Variants in CA12 observed in about 807,000 individuals in gnomAD.
CA12 encodes carbonic anhydrase 12.
In CA12, 36 loss-of-function variants were observed where a neutral mutation model predicts 46.8. The ratio of observed to expected loss-of-function variants is 0.77; its 90% CI spans 0.59 to 1.02. CA12 has a LOEUF of 1.02. Ranked by LOEUF, CA12 falls within the 50% of genes least tolerant of loss-of-function variation. The probability of loss-of-function intolerance (pLI) is 0.00; values close to 1 mark genes in which losing one functional copy is unlikely to be tolerated. For synonymous variants in CA12, 202 were observed against 187.0 expected (o/e 1.08, Z -0.65); for missense variants, 436 against 451.4 (o/e 0.97, Z 0.31).
chr15:63,343,929 C>T (rs1019051222), intron 4 of CA12, among the ~76,000 whole-genome samples: 2 of 152,114 alleles, frequency 1.3e-5, no homozygotes, highest in African/African-American at 4.8e-5. Flanking sequence ...AGCAACACAC[C>T]TCACATTTTG....
At chr15:63,350,116 C>T (rs1331487455) in intron 2 of CA12, among the ~76,000 whole-genome samples, 2 of 152,196 alleles carry the variant, frequency 1.3e-5, no homozygotes, top group Admixed American at 6.5e-5. Context: ...AGGGCCCTCC[C>T]CCAGCATGTA....
In CA12 at chr15:63,331,484, G is replaced by A. The variant is rs1298055637; in HGVS notation, c.875-3354C>T. On this transcript the variant is annotated intron_variant, in intron 8 of 10. Coordinates refer to ENST00000178638, the MANE Select transcript of CA12 (RefSeq NM_001218.5). This position sits in a 1 kb window ranked among gnomAD's most constrained non-coding sequence, Gnocchi z 5.3. ...GGACAGACAGTAGAAATGGAGACAGGCTAGGTCACAGAGGTGGCCCACGAG... is the reference window on the plus strand; with the variant it reads ...GGACAGACAGTAGAAATGGAGACAGACTAGGTCACAGAGGTGGCCCACGAG... Among the ~76,000 whole-genome samples, 1 of 152,194 alleles carries A rather than the reference G, an allele frequency of 6.6e-6. No homozygotes were observed. Among genetic ancestry groups the A allele is most frequent in the Non-Finnish European group, 1.5e-5 (1 of 68,022 alleles).
chr15:63,361,339 A>G (rs2039360797), intron 2 of CA12, among the ~76,000 whole-genome samples: 1 of 152,254 alleles, frequency 6.6e-6, no homozygotes, highest in South Asian at 2.1e-4. Context: ...AAGCCATCCT[A>G]GACCGGGTTG....
In CA12 at chr15:63,378,591, T is replaced by C. The variant is rs769392855; in HGVS notation, c.86-2913A>G. The stretch of plus-strand genomic sequence containing the variant: ...GACCCCCAAGTTTACTGCTCACCCC[T>C]TTGCTGAAACAACAATGAAAAAAAA... On this transcript the variant is annotated intron_variant, in intron 1 of 10. Coordinates refer to ENST00000178638, the MANE Select transcript of CA12 (RefSeq NM_001218.5). This position sits in a 1 kb window ranked among gnomAD's most constrained non-coding sequence, Gnocchi z 4.8. 6.6e-6 allele frequency among the ~76,000 whole-genome samples: 1 copy of C among 151,942 alleles called. No homozygotes were observed. Among genetic ancestry groups the C allele is most frequent in the Non-Finnish European group, 1.5e-5 (1 of 67,970 alleles).
intron 2 of CA12, among the ~76,000 whole-genome samples, chr15:63,366,902 A>T (rs17831058): frequency 0.032 from 4,821 of 152,212 alleles, 115 homozygotes; most frequent in Non-Finnish European, 0.045. Flanking sequence ...GAAGGGTAAC[A>T]CTAAGGTGGC....
At chr15:63,376,746 A>G (rs998529939) in intron 1 of CA12, among the ~76,000 whole-genome samples, 1 of 151,580 alleles carries the variant, frequency 6.6e-6, no homozygotes, top group African/African-American at 2.4e-5. Context: ...GGGCTCAAGC[A>G]ATCCTCCCAC....
intron 2 of CA12, among the ~76,000 whole-genome samples, chr15:63,349,078 G>A (rs865877379): frequency 6.6e-6 from 1 of 152,172 alleles, no homozygotes; most frequent in Non-Finnish European, 1.5e-5. Context: ...TGAGATTCCA[G>A]CATCAGCTGT....
rs1357108699 is a variant in CA12, at chr15:63,340,455, C to T, written c.590-10G>A. 6.2e-7 allele frequency: 1 copy of T among 1,614,190 alleles called. No homozygotes were observed. On this transcript the variant is annotated splice_polypyrimidine_tract_variant and intron_variant, in intron 6 of 10. Coordinates refer to ENST00000178638, the MANE Select transcript of CA12 (RefSeq NM_001218.5). This position sits in a 1 kb window ranked among gnomAD's most constrained non-coding sequence, Gnocchi z 4.4. The stretch of plus-strand genomic sequence containing the variant: ...ACGAATGCTTCCTGGCCTAGAGAGA[C>T]ATGTTGCAGAGGTGATAGTGTCAGC...
intron 2 of CA12, among the ~76,000 whole-genome samples, chr15:63,368,907 C>T (rs569700037): frequency 1.3e-5 from 2 of 152,308 alleles, no homozygotes; most frequent in Admixed American, 6.5e-5. Context: ...ACTCCTGAAC[C>T]CCAAACTAGG....
At chr15:63,332,544 G>A (rs944376127) in intron 8 of CA12, among the ~76,000 whole-genome samples, 1 of 152,206 alleles carries the variant, frequency 6.6e-6, no homozygotes, top group African/African-American at 2.4e-5. Context: ...CTGTCCCTGG[G>A]GAAAGAATGG....
chr15:63,330,332 G>A lies in CA12; in HGVS notation c.875-2202C>T, dbSNP rs183705042. Among the ~76,000 whole-genome samples the A allele has an allele frequency of 6.6e-6, 1 of 152,274 alleles. No homozygotes were observed. Among genetic ancestry groups the A allele is most frequent in the Non-Finnish European group, 1.5e-5 (1 of 68,020 alleles). ...TGTTTCTTTTTTAAATGTAACCAGAGACCATGGTCCCTGGAATCTTAAAAA... is the reference window on the plus strand; with the variant it reads ...TGTTTCTTTTTTAAATGTAACCAGAAACCATGGTCCCTGGAATCTTAAAAA... On this transcript the variant is annotated intron_variant, in intron 8 of 10. Coordinates refer to ENST00000178638, the MANE Select transcript of CA12 (RefSeq NM_001218.5). The surrounding 1 kb of genome is among the most constrained non-coding windows in gnomAD (Gnocchi z 4.0).
chr15:63,373,640 C>T lies in CA12; in HGVS notation c.106+2018G>A, dbSNP rs2152627221. On this transcript the variant is annotated intron_variant, in intron 2 of 10. Transcript: ENST00000178638. The surrounding 1 kb of genome is among the most constrained non-coding windows in gnomAD (Gnocchi z 4.9). ...GCGTTAAGAATACAGGTTTTTCAGG[C>T]TCCCTCCCTTTCCCAGGTCTAGCCC... Among the ~76,000 whole-genome samples, 1 of 152,258 alleles carries T rather than the reference C, an allele frequency of 6.6e-6. No homozygotes were observed. The highest frequency in any genetic ancestry group is 1.9e-4 in the East Asian group (1 of 5,188).
intron 8 of CA12, among the ~76,000 whole-genome samples, chr15:63,338,557 G>T (rs2039032803): frequency 6.6e-6 from 1 of 152,200 alleles, no homozygotes; most frequent in Admixed American, 6.5e-5. Context: ...TTACCCATCT[G>T]TGCAAGACTC....
chr15:63,335,611 G>A (rs919609613), intron 8 of CA12, among the ~76,000 whole-genome samples: 5 of 151,088 alleles, frequency 3.3e-5, no homozygotes, highest in South Asian at 2.1e-4. Context: ...TTACAAGCAT[G>A]AGCCACCACA....
chr15:63,357,261 G>A (rs1251782813), intron 2 of CA12, among the ~76,000 whole-genome samples: 1 of 152,202 alleles, frequency 6.6e-6, no homozygotes, highest in East Asian at 1.9e-4. Flanking sequence ...AGACTGCTGG[G>A]CCACACCCTC....
intron 2 of CA12, among the ~76,000 whole-genome samples, chr15:63,349,817 C>T (rs1288432064): frequency 6.6e-6 from 1 of 152,184 alleles, no homozygotes; most frequent in Non-Finnish European, 1.5e-5. Flanking sequence ...GCACTTCCCA[C>T]AGTGCCTGGC....
rs752292150 is a variant in CA12, at chr15:63,346,616, T to A, written c.200A>T (p.Tyr67Phe). Residue 67 changes from tyrosine (Y) to phenylalanine (F), a missense_variant, in exon 3 of 11, where the codon TAT becomes TTT. Tyr to Phe is a conservative substitution (Grantham distance 22, BLOSUM62 3). Coordinates refer to ENST00000178638, the MANE Select transcript of CA12 (RefSeq NM_001218.5). ...CTCGAGGGGCGTGAGGCTGGCGTCA[T>A]ACTGGAGGATGTCACTGTGCAGGTC... ...PIDLHSDILQ[Y>F]DASLTPLEFQ... 6.2e-7 allele frequency: 1 copy of A among 1,613,612 alleles called. No individual in the cohort carries two copies. Among genetic ancestry groups the A allele is most frequent in the South Asian group, 1.1e-5 (1 of 91,034 alleles).
At chr15:63,332,368 G>C (rs1425741574) in intron 8 of CA12, among the ~76,000 whole-genome samples, 7 of 152,224 alleles carry the variant, frequency 4.6e-5, no homozygotes, top group Non-Finnish European at 8.8e-5. Context: ...AGATTACATG[G>C]GGGAACTGGT....
Position 63,340,719 on chromosome 15 carries a change from C to A in CA12, c.589+1G>T, listed in dbSNP as rs748610754. On this transcript the variant is annotated splice_donor_variant, in intron 6 of 10. Transcript: ENST00000178638. LOFTEE classifies it high-confidence loss of function. This position sits in a 1 kb window ranked among gnomAD's most constrained non-coding sequence, Gnocchi z 4.4. ...TGAATATGCATGCAAGGACCCCTCACCTTTGTACTTTACATGTTGAAGGTG... is the reference window on the plus strand; with the variant it reads ...TGAATATGCATGCAAGGACCCCTCAACTTTGTACTTTACATGTTGAAGGTG... 2 of 1,614,038 alleles carry A rather than the reference C, an allele frequency of 1.2e-6. No individual in the cohort carries two copies. The highest frequency in any genetic ancestry group is 1.7e-6 in the Non-Finnish European group (2 of 1,179,862).
Sources: gnomAD v4.1 joint callset for allele counts (sites outside exome capture counted in the v4.1 genomes callset) on GRCh38, gnomAD v4.1.1 for gene constraint, Gnocchi (gnomAD v3.1) non-coding constraint, MANE v1.5 for transcripts, NCBI Gene and HGNC (gene_info 2026-07-23, HGNC 2026-07-21) for gene names.